ING1: variants seen among roughly 807,000 people sequenced by gnomAD.
ING1 encodes the protein inhibitor of growth family member 1.
A neutral mutation model predicts 23.1 loss-of-function variants in ING1; 4 were observed. The ratio of observed to expected loss-of-function variants is 0.17; its 90% confidence interval spans 0.09 to 0.40. ING1 has a LOEUF of 0.40. ING1 is among the 10% of genes least tolerant of loss of function. ING1 has a pLI of 1.00. For missense variants in ING1, 256 were observed against 393.8 expected (o/e 0.65, Z 2.96); for synonymous variants, 179 against 166.4 (o/e 1.08, Z -0.58).
At chr13:110,713,558 G>T, upstream of ING1, 1 of 985,888 alleles carries the variant, frequency 1.0e-6, no homozygotes, top group South Asian at 4.6e-5. Flanking sequence ...GGGCCGGCCT[G>T]GAGCCCGCAG....
chr13:110,715,825 TC>T, intron 1 of ING1: 6 of 1,587,596 alleles, frequency 3.8e-6, no homozygotes, highest in Non-Finnish European at 5.1e-6. Context: ...CCGGCCCCTC[TC>T]CCCGCTCAGC....
At chr13:110,715,877 T>C (rs1182388484) in intron 1 of ING1, 2 of 1,592,024 alleles carry the variant, frequency 1.3e-6, no homozygotes, top group Non-Finnish European at 1.7e-6. Context: ...GTAGCAGTGA[T>C]CCCGGGCCTG....
At chr13:110,712,799 G>A (rs956428168), upstream of ING1, 3 of 756,948 alleles carry the variant, frequency 4.0e-6, no homozygotes, top group Non-Finnish European at 6.9e-6. Flanking sequence ...GGCGCCCCTC[G>A]GGCCTATCCA....
chr13:110,714,523 C>T (rs1350883172), intron 1 of ING1, among the ~76,000 whole-genome samples: 1 of 150,308 alleles, frequency 6.7e-6, no homozygotes, highest in Non-Finnish European at 1.5e-5. Flanking sequence ...TGCAAGGCTG[C>T]GCGACCAAAG....
rs542759815 is a variant in ING1, at chr13:110,720,875, A to T, written c.*943A>T. ...AGACAAAGCCTTAAGCAAATTTTGT[A>T]TTATTGTTCTCACTTATTATTAATA... On this transcript the variant is annotated 3_prime_UTR_variant, in exon 2 of 2. Transcript: ENST00000333219. The T allele has an allele frequency of 6.0e-6, 1 of 167,232 alleles. No homozygotes were observed. The highest frequency in any genetic ancestry group is 2.1e-4 in the South Asian group (1 of 4,832). The allele number at this position is 167,232 out of a possible 1,614,324, so 10.4% of individuals were successfully genotyped here. A position where few individuals can be genotyped will look rare whatever the true frequency, so the allele number is the denominator to read the frequency against.
intron 1 of ING1, among the ~76,000 whole-genome samples, chr13:110,716,904 C>T (rs1330652987): frequency 1.3e-5 from 2 of 152,154 alleles, no homozygotes; most frequent in African/African-American, 4.8e-5. Flanking sequence ...TACTTAGTGG[C>T]TTTGTTGATA....
chr13:110,713,633 G>A (rs2064067661), upstream of ING1: 1 of 984,926 alleles, frequency 1.0e-6, no homozygotes, highest in Non-Finnish European at 1.2e-6. Context: ...GCCGGGGGAG[G>A]GGGCCGGGGC....
In ING1 at chr13:110,719,287, G is replaced by A. The variant is rs767504401; in HGVS notation, c.195G>A (p.Ala65=). 25 of 1,611,540 alleles carry A rather than the reference G, an allele frequency of 1.6e-5. No individual in the cohort carries two copies. Among genetic ancestry groups the A allele is most frequent in the East Asian group, 6.7e-5 (3 of 44,874 alleles). Residue 65 remains alanine, a synonymous_variant, in exon 2 of 2, where the codon GCG becomes GCA. Coordinates refer to ENST00000333219, the MANE Select transcript of ING1 (RefSeq NM_198219.3). The surrounding 1 kb of genome is among the most constrained non-coding windows in gnomAD (Gnocchi z 8.9). ...YERFSRETDG[A]QKRRMLHCVQ... ...GCTTCAGTCGCGAGACAGACGGGGC[G>A]CAGAAGCGGCGGATGCTGCACTGTG... is the stretch of plus-strand genomic sequence containing the variant.
At chr13:110,718,389 C>T (rs1424468390) in intron 1 of ING1, among the ~76,000 whole-genome samples, 1 of 152,204 alleles carries the variant, frequency 6.6e-6, no homozygotes, top group Non-Finnish European at 1.5e-5. Context: ...GCACTCCAGC[C>T]TGGGCGACAG....
upstream of ING1, chr13:110,713,662 G>C (rs1172315163): frequency 2.0e-6 from 2 of 985,450 alleles, no homozygotes; most frequent in African/African-American, 1.7e-5. Context: ...GCTGCGCAGC[G>C]GGGCTGAATG....
intron 1 of ING1, chr13:110,715,330 C>G (rs756527391): frequency 2.1e-6 from 3 of 1,446,750 alleles, no homozygotes; most frequent in South Asian, 3.0e-5. Context: ...ACGCCTCTGC[C>G]GGGAAGGCGC....
Position 110,719,610 on chromosome 13 carries a change from C to T in ING1, c.518C>T (p.Ser173Leu), listed in dbSNP as rs953171378. Residue 173 changes from serine (S) to leucine (L), a missense_variant, in exon 2 of 2, where the codon TCG (serine) becomes TTG (leucine). Ser to Leu is a moderately radical substitution (Grantham distance 145, BLOSUM62 -2). Coordinates refer to ENST00000333219, the MANE Select transcript of ING1 (RefSeq NM_198219.3). This position sits in a 1 kb window ranked among gnomAD's most constrained non-coding sequence, Gnocchi z 8.9. ...SSNHDHDDGA[S>L]GTPKEKKAKT... is the part of the protein sequence containing the mutation. Reference sequence around the variant, plus strand: ...AACCACGACCACGACGACGGCGCCTCGGGCACACCCAAGGAGAAGAAGGCC... The same window carrying T: ...AACCACGACCACGACGACGGCGCCTTGGGCACACCCAAGGAGAAGAAGGCC... 1.9e-6 allele frequency: 3 copies of T among 1,611,652 alleles called. No homozygotes were observed. Among genetic ancestry groups the T allele is most frequent in the Non-Finnish European group, 1.7e-6 (2 of 1,179,478 alleles).
chr13:110,713,521 G>A (rs1311728675), upstream of ING1: 19 of 986,414 alleles, frequency 1.9e-5, no homozygotes, highest in Non-Finnish European at 2.3e-5. Flanking sequence ...TCTGGAAAAA[G>A]TGACAGGCAA....
intron 1 of ING1, chr13:110,715,331 G>T (rs1054529828): frequency 2.1e-6 from 3 of 1,447,320 alleles, no homozygotes; most frequent in Non-Finnish European, 1.8e-6. Flanking sequence ...CGCCTCTGCC[G>T]GGAAGGCGCC....
Position 110,719,344 on chromosome 13 carries a change from G to A in ING1, c.252G>A (p.Leu84=). 1 of 1,609,074 alleles carries A rather than the reference G, an allele frequency of 6.2e-7. No homozygotes were observed. Among genetic ancestry groups the A allele is most frequent in the African/African-American group, 1.3e-5 (1 of 75,044 alleles). Residue 84 remains leucine (L), a synonymous_variant, in exon 2 of 2, where the codon CTG becomes CTA. Coordinates refer to ENST00000333219, the MANE Select transcript of ING1 (RefSeq NM_198219.3). This position sits in a 1 kb window ranked among gnomAD's most constrained non-coding sequence, Gnocchi z 8.9. ...VQRALIRSQE[L]GDEKIQIVSQ... ...GCGCGCTGATCCGCAGCCAGGAGCT[G>A]GGCGACGAGAAGATCCAGATCGTGA...
intron 1 of ING1, chr13:110,715,852 C>A: frequency 6.3e-7 from 1 of 1,594,424 alleles, no homozygotes; most frequent in Non-Finnish European, 8.5e-7. Context: ...CACTTTCGGG[C>A]GCGGATTTAT....
rs1167147951 is a variant in ING1 at position 110,721,886 on chromosome 13, C to CTTTT, written c.*1957_*1958insTTTT. ...CGTGCGCTGAGTGATACGTGGTTCC[C>CTTTT]TTTAACTTCGCACATGGTAAAATCA... On this transcript the variant is annotated 3_prime_UTR_variant, in exon 2 of 2. Transcript: ENST00000333219. The CTTTT allele has an allele frequency of 3.3e-5, 5 of 152,188 alleles. No individual in the cohort carries two copies. The highest frequency in any genetic ancestry group is 1.2e-4 in the African/African-American group (5 of 41,454). 9.4% of individuals were successfully genotyped at this position (152,188 alleles called of 1,614,324 possible). A position where few individuals can be genotyped will look rare whatever the true frequency, so the allele number is the denominator to read the frequency against.
chr13:110,713,123 G>A, upstream of ING1: 4 of 1,429,862 alleles, frequency 2.8e-6, no homozygotes, highest in Non-Finnish European at 2.7e-6. Flanking sequence ...AAGAGTCCGG[G>A]GGGCATTACT....
At chr13:110,712,853 C>A, upstream of ING1, 1 of 1,148,784 alleles carries the variant, frequency 8.7e-7, no homozygotes, top group Non-Finnish European at 1.3e-6. Context: ...CCCTCTCAGG[C>A]CCCTTTGTCT....
Sources: allele counts gnomAD v4.1 joint callset (sites outside exome capture counted in the v4.1 genomes callset), GRCh38; gene constraint gnomAD v4.1.1; non-coding constraint Gnocchi (gnomAD v3.1); transcripts MANE v1.5; gene names NCBI Gene and HGNC (gene_info 2026-07-23, HGNC 2026-07-21).